The following ECT2L variants were observed in gnomAD, a reference collection of about 807,000 sequenced individuals.
The protein encoded by ECT2L is epithelial cell-transforming sequence 2 oncogene-like.
Under a neutral mutation model 122.8 loss-of-function variants are expected in ECT2L, and 126 were observed. That is an observed-to-expected ratio of 1.03 (90% CI 0.89 to 1.19). ECT2L has a LOEUF of 1.19. ECT2L is among the 50% of genes most tolerant of loss of function. ECT2L has a pLI of 0.00. For missense variants in ECT2L, 1,012 were observed against 1,064.1 expected, an observed-to-expected ratio of 0.95 and a Z score of 0.68; for synonymous variants, 385 against 381.8, an observed-to-expected ratio of 1.01 and a Z score of -0.10.
At chr6:138,890,490 ATCT>A (rs1562495174) in intron 20 of ECT2L, among the ~76,000 whole-genome samples, 5 of 50,192 alleles carry the variant, frequency 1.0e-4, no homozygotes, top group Non-Finnish European at 1.7e-4. Context: ...GTTTTCTTTG[ATCT>A]TTTTTTTTTT....
chr6:138,886,960 T>C (rs369303684), intron 19 of ECT2L, 38 bp downstream of exon 19: 7 of 1,532,382 alleles, frequency 4.6e-6, no homozygotes, highest in African/African-American at 2.7e-5. Context: ...CTCATGCTCA[T>C]GAATACAACC....
chr6:138,900,883 G>C (rs578218850), intron 20 of ECT2L, 65 bp from the exon 21 acceptor site: 1 of 1,519,632 alleles, frequency 6.6e-7, no homozygotes, highest in Admixed American at 2.1e-5. Context: ...ATTTCAAGAT[G>C]CTTAACTATG....
chr6:138,812,313 C>A lies in ECT2L; in HGVS notation c.-243-525C>A, dbSNP rs867041240. On this transcript the variant is annotated intron_variant, in intron 1 of 21. Coordinates refer to ENST00000541398, the MANE Select transcript of ECT2L (RefSeq NM_001077706.3). ...GCAGCCCAGTTAGACTAAGACAGTACCCCCCTAAACTCTGCCTGGATTCTT... is the reference window on the plus strand; with the variant it reads ...GCAGCCCAGTTAGACTAAGACAGTAACCCCCTAAACTCTGCCTGGATTCTT... Among the ~76,000 whole-genome samples the A allele has an allele frequency of 3.3e-5, 5 of 152,194 alleles. No individual in the cohort carries two copies. In the East Asian group the frequency reaches 9.6e-4, roughly 29 times the overall value.
chr6:138,892,948 C>G (rs570560170), intron 20 of ECT2L, among the ~76,000 whole-genome samples: 1 of 152,202 alleles, frequency 6.6e-6, no homozygotes. Flanking sequence ...ACAGTTTTCT[C>G]CAGTGTCCTT....
At chr6:138,859,490 C>T (rs990841444) in intron 10 of ECT2L, among the ~76,000 whole-genome samples, 7 of 152,168 alleles carry the variant, frequency 4.6e-5, no homozygotes, top group Non-Finnish European at 8.8e-5. Context: ...TAGCATTTTA[C>T]ATTTCCACAA....
At chr6:138,902,151 G>A (rs185974328) in intron 21 of ECT2L, among the ~76,000 whole-genome samples, 90 of 152,294 alleles carry the variant, frequency 5.9e-4, no homozygotes, top group African/African-American at 2.0e-3. Flanking sequence ...TACTGAGGTC[G>A]TCTAGGTCTA....
At chr6:138,849,940 C>T (rs1777374011) in intron 9 of ECT2L, among the ~76,000 whole-genome samples, 2 of 114,342 alleles carry the variant, frequency 1.7e-5, no homozygotes, top group Admixed American at 1.7e-4. Flanking sequence ...GTGTGCAGTT[C>T]AGTATTGTTT....
chr6:138,796,595 T>C (rs957209675), intron 1 of ECT2L, among the ~76,000 whole-genome samples: 1 of 150,564 alleles, frequency 6.6e-6, no homozygotes, highest in Non-Finnish European at 1.5e-5. Context: ...ATGTAGGGAG[T>C]AGGGTGGGGG....
At chr6:138,859,391 GA>G (rs1362185064) in intron 10 of ECT2L, among the ~76,000 whole-genome samples, 7 of 152,216 alleles carry the variant, frequency 4.6e-5, no homozygotes, top group Non-Finnish European at 1.0e-4. Context: ...TCTCTTGGAT[GA>G]ATACCTGGGA....
At chr6:138,799,875 T>C (rs1775481905) in intron 1 of ECT2L, among the ~76,000 whole-genome samples, 1 of 152,350 alleles carries the variant, frequency 6.6e-6, no homozygotes, top group African/African-American at 2.4e-5. Flanking sequence ...TGCCATGTTC[T>C]TCTCTTGTAT....
At chr6:138,869,444 T>C (rs1339863485) in intron 13 of ECT2L, among the ~76,000 whole-genome samples, 1 of 152,212 alleles carries the variant, frequency 6.6e-6, no homozygotes, top group Non-Finnish European at 1.5e-5. Context: ...CAGGCATTTC[T>C]GGGCGTAGCT....
Position 138,869,654 on chromosome 6 carries a change from G to A in ECT2L, c.1578+1448G>A, listed in dbSNP as rs535035829. ...TGAAGGATTACTCAGCATGCTTGGT[G>A]TCAGTTCAGTGTACTTATTTCCACC... On this transcript the variant is annotated intron_variant, in intron 13 of 21. Transcript: ENST00000541398. Among the ~76,000 whole-genome samples, 6 of 152,246 alleles carry A rather than the reference G, an allele frequency of 3.9e-5. 1 individual carries two copies. The Middle Eastern group carries it at 0.02, about 518-fold the overall frequency.
chr6:138,832,897 C>CT (rs1052565144), intron 4 of ECT2L, among the ~76,000 whole-genome samples: 4 of 152,014 alleles, frequency 2.6e-5, no homozygotes, highest in Non-Finnish European at 4.4e-5. Context: ...AAAGAACTGC[C>CT]TGAGACTGGG....
At chr6:138,896,575 A>G (rs1031196398) in intron 20 of ECT2L, among the ~76,000 whole-genome samples, 2 of 152,132 alleles carry the variant, frequency 1.3e-5, no homozygotes, top group African/African-American at 4.8e-5. Context: ...GCTAGGTGAT[A>G]ATCAGTTTTG....
chr6:138,881,131 A>G lies in ECT2L; in HGVS notation c.1840A>G (p.Ile614Val), dbSNP rs777250319. The change falls in exon 15 of 22, where the codon ATC becomes GTC. Residue 614 changes from isoleucine to valine, a missense_variant. Physicochemically the swap from Ile to Val is conservative, Grantham distance 29. Transcript: ENST00000541398. ...GATTCTGAGTGCTGCCAATATCCAGATCATTTTCTGTGACATTCTACAGAT... is the reference window on the plus strand; with the variant it reads ...GATTCTGAGTGCTGCCAATATCCAGGTCATTTTCTGTGACATTCTACAGAT... ...RAILSAANIQ[I>V]IFCDILQILS... is the part of the protein sequence containing the mutation. 3 of 1,614,172 alleles carry G rather than the reference A, an allele frequency of 1.9e-6. No homozygotes were observed. The highest frequency in any genetic ancestry group is 2.5e-6 in the Non-Finnish European group (3 of 1,180,030).
intron 14 of ECT2L, among the ~76,000 whole-genome samples, chr6:138,877,746 C>A (rs541745072): frequency 3.9e-5 from 6 of 152,038 alleles, no homozygotes; most frequent in Non-Finnish European, 8.8e-5. Flanking sequence ...CCAGCCTGGG[C>A]AACATAGAAA....
At chr6:138,876,377 G>A in intron 13 of ECT2L, 95 bp from the exon 14 acceptor site, 1 of 765,510 alleles carries the variant, frequency 1.3e-6, no homozygotes, top group Non-Finnish European at 2.2e-6. Flanking sequence ...GGGGCTGAAG[G>A]CAGAGGCTTC....
chr6:138,892,588 G>C (rs1380286496), intron 20 of ECT2L, among the ~76,000 whole-genome samples: 2 of 152,086 alleles, frequency 1.3e-5, no homozygotes, highest in African/African-American at 4.8e-5. Context: ...CTGCCTCCTG[G>C]GTTCCAGCAA....
In ECT2L at chr6:138,881,122, A is replaced by T. The variant is rs755923090; in HGVS notation, c.1831A>T (p.Asn611Tyr). The T allele has an allele frequency of 2.5e-6, 4 of 1,614,224 alleles. No homozygotes were observed. The highest frequency in any genetic ancestry group is 3.4e-6 in the Non-Finnish European group (4 of 1,180,030). The change falls in exon 15 of 22, where the codon AAT (asparagine) becomes TAT (tyrosine). Residue 611 changes from asparagine to tyrosine, a missense_variant. Coordinates refer to ENST00000541398, the MANE Select transcript of ECT2L (RefSeq NM_001077706.3). ...AAACAGAGCGATTCTGAGTGCTGCC[A>T]ATATCCAGATCATTTTCTGTGACAT... ...SSNRAILSAA[N>Y]IQIIFCDILQ...
Sources: allele counts gnomAD v4.1 joint callset (sites outside exome capture counted in the v4.1 genomes callset), GRCh38; gene constraint gnomAD v4.1.1; transcripts MANE v1.5; gene names NCBI Gene and HGNC (gene_info 2026-07-23, HGNC 2026-07-21).